Variants in AKAP9 observed in about 807,000 individuals in gnomAD.
AKAP9 encodes the protein A-kinase anchoring protein 9, also known as A-kinase anchor protein 9.
In AKAP9, 311 loss-of-function variants were observed where a neutral mutation model predicts 488.5. The ratio of observed to expected loss-of-function variants is 0.64; its 90% CI spans 0.58 to 0.70. The LOEUF is 0.70. Among genes scored for constraint, AKAP9 ranks in the 30% least tolerant of loss-of-function variants. The pLI is 0.00. For synonymous variants in AKAP9, 1,462 were observed against 1,483.5 expected (o/e 0.99, Z 0.33); for missense variants, 4,215 against 4,374.5 (o/e 0.96, Z 1.03).
intron 28 of AKAP9, among the ~76,000 whole-genome samples, chr7:92,072,592 A>AT (rs1811896701): frequency 6.6e-6 from 1 of 152,222 alleles, no homozygotes; most frequent in African/African-American, 2.4e-5. Context: ...TGTATAAAAC[A>AT]TTTTTTAAGC....
At chr7:92,075,012 A>T (rs1007127317) in intron 28 of AKAP9, among the ~76,000 whole-genome samples, 15 of 152,306 alleles carry the variant, frequency 9.8e-5, no homozygotes, top group African/African-American at 2.4e-4. Flanking sequence ...ATAATTTTTT[A>T]AAAAAGATTA....
At chr7:92,013,201 C>A (rs991421725) in intron 9 of AKAP9, among the ~76,000 whole-genome samples, 1 of 150,986 alleles carries the variant, frequency 6.6e-6, no homozygotes, top group Non-Finnish European at 1.5e-5. Context: ...CCGTTTTAGC[C>A]GGGATGGTCT....
intron 22 of AKAP9, chr7:92,058,447 C>T (rs1379918884): frequency 1.1e-5 from 5 of 438,768 alleles, no homozygotes; most frequent in Non-Finnish European, 2.3e-5. Context: ...TAGTTAAACA[C>T]TATAATGAGA....
At chr7:91,988,455 A>G (rs1282986973) in intron 3 of AKAP9, among the ~76,000 whole-genome samples, 1 of 152,152 alleles carries the variant, frequency 6.6e-6, no homozygotes, top group Non-Finnish European at 1.5e-5. Context: ...TGTGTGACAG[A>G]GTGAGACCTT....
Position 92,082,524 on chromosome 7 carries a change from A to C in AKAP9, c.8022A>C (p.Thr2674=). The C allele has an allele frequency of 6.2e-7, 1 of 1,613,690 alleles. No homozygotes were observed. The highest frequency in any genetic ancestry group is 8.5e-7 in the Non-Finnish European group (1 of 1,179,706). The change falls in exon 32 of 50, where the codon ACA becomes ACC. Residue 2674 remains threonine (T), a splice_region_variant and synonymous_variant. Transcript: ENST00000356239. ...RSPQDVEVLK[T]TTELFHSNEE... ...CTTGTGTTTCCGCTGTCATTCAGAC[A>C]ACTACTGAGCTATTTCATAGCAATG...
intron 21 of AKAP9, among the ~76,000 whole-genome samples, chr7:92,051,765 C>T (rs1231960660): frequency 6.6e-6 from 1 of 152,114 alleles, no homozygotes; most frequent in Admixed American, 6.5e-5. Context: ...ATGAAGATTT[C>T]CTCTGCTTTA....
At chr7:92,040,596 T>G in intron 17 of AKAP9, 78 bp from the exon 18 acceptor site, 1 of 1,021,228 alleles carries the variant, frequency 9.8e-7, no homozygotes, top group East Asian at 2.6e-5. Flanking sequence ...TCGTATTTGT[T>G]TACAATATTA....
rs764249824 is a variant in AKAP9, at chr7:92,100,911, A to C, written c.10952A>C (p.Glu3651Ala). Residue 3651 changes from glutamate to alanine, a missense_variant, in exon 45 of 50, where the codon GAA becomes GCA. By Grantham distance (107) the Glu-to-Ala change is moderately radical. Around this residue, in one of 5 missense-constraint regions of AKAP9, gnomAD observed 74 missense variants for 113.0 expected, o/e 0.65. Coordinates refer to ENST00000356239, the MANE Select transcript of AKAP9 (RefSeq NM_005751.5). The stretch of plus-strand genomic sequence containing the variant: ...AACATTGAAGCCATCATTGCCTCTG[A>C]AAAAGAAGTATGGAACAGAGAAAAA... ...GANIEAIIAS[E>A]KEVWNREKLT... The C allele has an allele frequency of 1.2e-6, 2 of 1,614,188 alleles. No individual in the cohort carries two copies. The highest frequency in any genetic ancestry group is 2.2e-5 in the South Asian group (2 of 91,090).
intron 33 of AKAP9, 117 bp downstream of exon 33, chr7:92,083,772 T>G: frequency 9.5e-7 from 1 of 1,054,278 alleles, no homozygotes; most frequent in South Asian, 1.5e-5. Context: ...AGGCACTTGA[T>G]CTTTCTAAGT....
At position 92,082,649 on chromosome 7, in the gene AKAP9, A is replaced by G; in HGVS notation, c.8147A>G (p.Gln2716Arg). The G allele has an allele frequency of 6.2e-7, 1 of 1,613,998 alleles. No homozygotes were observed. Among genetic ancestry groups the G allele is most frequent in the Non-Finnish European group, 8.5e-7 (1 of 1,179,936 alleles). Reference protein sequence around the residue: ...ASYKEKAEKLQEELLVKETNM... With the variant: ...ASYKEKAEKLREELLVKETNM... Reference sequence around the variant, plus strand: ...TATAAAGAAAAGGCTGAAAAACTTCAAGAAGAGCTTTTGGTAAGATAAGTA... The same window carrying G: ...TATAAAGAAAAGGCTGAAAAACTTCGAGAAGAGCTTTTGGTAAGATAAGTA... Residue 2716 changes from glutamine to arginine, a missense_variant, in exon 32 of 50, where the codon CAA (glutamine) becomes CGA (arginine). Gln to Arg is a conservative substitution (Grantham distance 43). Around this residue, in one of 5 missense-constraint regions of AKAP9, gnomAD observed 1,476 missense variants for 1,477.4 expected, o/e 1.00. Transcript: ENST00000356239.
intron 28 of AKAP9, among the ~76,000 whole-genome samples, chr7:92,076,403 T>C (rs557176319): frequency 6.6e-6 from 1 of 152,376 alleles, no homozygotes; most frequent in South Asian, 2.1e-4. Context: ...GCCAGGCCTT[T>C]TAGTAAGTTA....
At chr7:92,039,740 C>T (rs1446254811) in intron 17 of AKAP9, among the ~76,000 whole-genome samples, 2 of 151,900 alleles carry the variant, frequency 1.3e-5, no homozygotes, top group Non-Finnish European at 1.5e-5. Flanking sequence ...TTTGGGAGGC[C>T]GAGGCAGGTG....
chr7:92,102,208 G>A (rs376014925), intron 45 of AKAP9, among the ~76,000 whole-genome samples: 77 of 132,058 alleles, frequency 5.8e-4, no homozygotes, highest in Non-Finnish European at 1.0e-3. Flanking sequence ...TAAATAGATA[G>A]ATTAGTGACC....
At chr7:91,969,177 ACCATGCC>A (rs1794764300) in intron 1 of AKAP9, among the ~76,000 whole-genome samples, 1 of 152,174 alleles carries the variant, frequency 6.6e-6, no homozygotes, top group Non-Finnish European at 1.5e-5. Flanking sequence ...GACATGAGCC[ACCATGCC>A]CAGCAGGAAC....
intron 1 of AKAP9, among the ~76,000 whole-genome samples, chr7:91,960,209 C>G (rs576379016): frequency 6.6e-6 from 1 of 152,186 alleles, no homozygotes; most frequent in Non-Finnish European, 1.5e-5. Context: ...CTAGGTAACA[C>G]ATTTAAGTAA....
rs767123564 is a variant in AKAP9 at position 92,001,620 on chromosome 7, T to C, written c.1703T>C (p.Val568Ala). Residue 568 changes from valine (V) to alanine (A), a missense_variant, in exon 8 of 50, where the codon GTG (valine) becomes GCG (alanine). This residue lies in a region of AKAP9 where 2,361 missense variants were observed against 2,430.0 expected (regional missense o/e 0.97). Transcript: ENST00000356239. The part of the protein sequence containing the change: ...LNEAHKSLST[V>A]EDLKAEIVSA... ...GAAGCACATAAGTCCCTTAGTACAG[T>C]GGAAGATTTGAAAGCTGAGATTGTT... 3 of 1,613,560 alleles carry C rather than the reference T, an allele frequency of 1.9e-6. No individual in the cohort carries two copies. The highest frequency in any genetic ancestry group is 1.7e-6 in the Non-Finnish European group (2 of 1,179,684).
intron 28 of AKAP9, among the ~76,000 whole-genome samples, chr7:92,073,463 G>T (rs925692728): frequency 6.6e-6 from 1 of 151,652 alleles, no homozygotes. Flanking sequence ...CCAAGATCAC[G>T]CCACTGCACT....
Position 92,095,164 on chromosome 7 carries a change from A to T in AKAP9, c.9720A>T (p.Glu3240Asp). ...KLGRSEERDK[E>D]ELEDLKFSLE... Reference sequence around the variant, plus strand: ...GACGCAGTGAAGAACGGGATAAAGAAGAACTTGAGGTACTGTTATCTTTGT... The same window carrying T: ...GACGCAGTGAAGAACGGGATAAAGATGAACTTGAGGTACTGTTATCTTTGT... The change falls in exon 40 of 50, where the codon GAA (glutamate) becomes GAT (aspartate). Residue 3240 changes from glutamate (E) to aspartate (D), a missense_variant. Transcript: ENST00000356239. 6.2e-7 allele frequency: 1 copy of T among 1,614,212 alleles called. No homozygotes were observed. Among genetic ancestry groups the T allele is most frequent in the South Asian group, 1.1e-5 (1 of 91,080 alleles).
chr7:91,980,814 C>A (rs1266479269), intron 3 of AKAP9, among the ~76,000 whole-genome samples: 1 of 150,756 alleles, frequency 6.6e-6, no homozygotes, highest in African/African-American at 2.4e-5. Flanking sequence ...TAGGAAATAC[C>A]CTCTTTGTGT....
Sources: gnomAD v4.1 joint callset for allele counts (sites outside exome capture counted in the v4.1 genomes callset) on GRCh38, gnomAD v4.1.1 for gene constraint, gnomAD v4.1.1 regional missense constraint, MANE v1.5 for transcripts, NCBI Gene and HGNC (gene_info 2026-07-23, HGNC 2026-07-21) for gene names.